ARHGAP26: variants seen among roughly 807,000 people sequenced by gnomAD.
ARHGAP26 encodes the protein rho GTPase-activating protein 26.
Under a neutral mutation model 104.8 loss-of-function variants are expected in ARHGAP26, and 38 were observed. The observed-to-expected ratio is 0.36, with a 90% CI of 0.28 to 0.48. The LOEUF is 0.48. Ranked by LOEUF, ARHGAP26 falls within the 20% of genes least tolerant of loss-of-function variation. The probability of loss-of-function intolerance (pLI) is 0.99; values close to 1 mark genes in which losing one functional copy is unlikely to be tolerated. For synonymous variants in ARHGAP26, 341 were observed against 340.0 expected (o/e 1.00, Z -0.03); for missense variants, 704 against 947.9 (o/e 0.74, Z 3.38).
At chr5:143,066,933 C>T (rs1787576601) in intron 17 of ARHGAP26, among the ~76,000 whole-genome samples, 1 of 152,102 alleles carries the variant, frequency 6.6e-6, no homozygotes, top group Non-Finnish European at 1.5e-5. Context: ...TATCAGGGCT[C>T]TTCGTGATTC....
At chr5:142,964,875 G>A (rs1490853400) in intron 11 of ARHGAP26, among the ~76,000 whole-genome samples, 1 of 152,158 alleles carries the variant, frequency 6.6e-6, no homozygotes, top group Non-Finnish European at 1.5e-5. Context: ...AAGACAGCTG[G>A]GCCCGGGGGA....
chr5:143,132,998 G>C (rs1218598101), intron 18 of ARHGAP26, among the ~76,000 whole-genome samples: 2 of 152,180 alleles, frequency 1.3e-5, no homozygotes, highest in East Asian at 3.8e-4. Flanking sequence ...AACTGAGTGA[G>C]CTACATGAAA....
chr5:143,207,621 C>G (rs1437947758), intron 21 of ARHGAP26: 1 of 1,002,202 alleles, frequency 1.0e-6, no homozygotes, highest in Non-Finnish European at 1.4e-6. Flanking sequence ...GCATTTTTCA[C>G]ACCCTTTTCA....
At chr5:142,885,961 T>C (rs1757641410) in intron 5 of ARHGAP26, among the ~76,000 whole-genome samples, 1 of 152,200 alleles carries the variant, frequency 6.6e-6, no homozygotes, top group Admixed American at 6.5e-5. Context: ...AAATTTGCGC[T>C]TGGTTTTTCT....
chr5:142,777,839 A>T (rs574334072), intron 1 of ARHGAP26, among the ~76,000 whole-genome samples: 1 of 152,334 alleles, frequency 6.6e-6, no homozygotes, highest in African/African-American at 2.4e-5. Context: ...GGGCAAGGTC[A>T]TAGGGATCTT....
chr5:143,153,732 T>G (rs1599262144), intron 20 of ARHGAP26, among the ~76,000 whole-genome samples: 1 of 152,192 alleles, frequency 6.6e-6, no homozygotes. Context: ...AAAAAATAAC[T>G]AACTGCTCAG....
chr5:142,976,514 A>G (rs1014341944), intron 11 of ARHGAP26, among the ~76,000 whole-genome samples: 3 of 152,218 alleles, frequency 2.0e-5, no homozygotes, highest in Admixed American at 6.5e-5. Flanking sequence ...ACATTTTTGT[A>G]TAGTCTCAAT....
At chr5:143,019,214 A>G (rs994066594) in intron 12 of ARHGAP26, among the ~76,000 whole-genome samples, 5 of 152,198 alleles carry the variant, frequency 3.3e-5, no homozygotes, top group Non-Finnish European at 5.9e-5. Flanking sequence ...GGGAAGGGGA[A>G]AAAGGGAGTA....
intron 12 of ARHGAP26, among the ~76,000 whole-genome samples, chr5:143,033,107 A>G (rs982814868): frequency 6.6e-6 from 1 of 152,248 alleles, no homozygotes; most frequent in Non-Finnish European, 1.5e-5. Flanking sequence ...TTGAGCTCAT[A>G]ATGTTTGACT....
intron 19 of ARHGAP26, among the ~76,000 whole-genome samples, chr5:143,145,165 G>A (rs543001019): frequency 3.3e-5 from 5 of 152,178 alleles, no homozygotes; most frequent in Non-Finnish European, 7.3e-5. Context: ...TTAGAAAGAC[G>A]AATATACTTT....
At chr5:142,935,241 G>A (rs1765244954) in intron 11 of ARHGAP26, among the ~76,000 whole-genome samples, 1 of 152,026 alleles carries the variant, frequency 6.6e-6, no homozygotes, top group Non-Finnish European at 1.5e-5. Flanking sequence ...CTTTTGTATT[G>A]GCTTCATTTT....
intron 11 of ARHGAP26, among the ~76,000 whole-genome samples, chr5:142,932,627 T>G (rs1346638211): frequency 6.6e-6 from 1 of 152,230 alleles, no homozygotes; most frequent in African/African-American, 2.4e-5. Flanking sequence ...ACTCCAGTGT[T>G]CAGCAAATCT....
intron 1 of ARHGAP26, among the ~76,000 whole-genome samples, chr5:142,855,300 G>T (rs1752164055): frequency 6.6e-6 from 1 of 152,152 alleles, no homozygotes; most frequent in South Asian, 2.1e-4. Context: ...TTACAGAGGA[G>T]GTCGAATACC....
intron 5 of ARHGAP26, among the ~76,000 whole-genome samples, chr5:142,887,967 AAAAAACC>A (rs1757961169): frequency 6.6e-6 from 1 of 152,212 alleles, no homozygotes; most frequent in African/African-American, 2.4e-5. Context: ...TCTTTCTCAA[AAAAAACC>A]AAAAACCAAA....
intron 14 of ARHGAP26, among the ~76,000 whole-genome samples, chr5:143,046,287 G>A (rs866867568): frequency 1.3e-5 from 2 of 152,112 alleles, no homozygotes; most frequent in African/African-American, 4.8e-5. Context: ...CTGAATGACA[G>A]AGCAAGACTC....
rs972231961 is a variant in ARHGAP26, at chr5:142,788,816, A to C, written c.154+17901A>C. On this transcript the variant is annotated intron_variant, in intron 1 of 22. Transcript: ENST00000645722. The stretch of plus-strand genomic sequence containing the variant: ...TGGAACCAATGCCCCACAGATACTA[A>C]GGGACAACTGCAGTAGAATATCTCC... Among the ~76,000 whole-genome samples the C allele has an allele frequency of 7.9e-5, 12 of 152,356 alleles. No homozygotes were observed. The Middle Eastern group carries it at 0.01, about 130-fold the overall frequency.
intron 1 of ARHGAP26, among the ~76,000 whole-genome samples, chr5:142,802,448 G>A (rs1427063341): frequency 3.3e-5 from 5 of 152,160 alleles, no homozygotes; most frequent in Non-Finnish European, 2.9e-5. Context: ...GGAAACTGTG[G>A]CTTTAAGTAA....
chr5:143,061,300 T>C (rs1195149142), intron 17 of ARHGAP26, among the ~76,000 whole-genome samples: 1 of 152,186 alleles, frequency 6.6e-6, no homozygotes, highest in Non-Finnish European at 1.5e-5. Context: ...AGATGAGTAA[T>C]AAAGACTAAT....
intron 17 of ARHGAP26, among the ~76,000 whole-genome samples, chr5:143,062,095 A>G (rs1486370925): frequency 6.6e-6 from 1 of 152,252 alleles, no homozygotes; most frequent in Non-Finnish European, 1.5e-5. Flanking sequence ...TAGTCTTGGT[A>G]AATCACATTC....
Sources: gnomAD v4.1 joint callset for allele counts (sites outside exome capture counted in the v4.1 genomes callset) on GRCh38, gnomAD v4.1.1 for gene constraint, MANE v1.5 for transcripts, NCBI Gene and HGNC (gene_info 2026-07-23, HGNC 2026-07-21) for gene names.